Variants in CEP126 observed in about 807,000 individuals in gnomAD.
CEP126 encodes centrosomal protein of 126 kDa.
CEP126 carries 74 observed loss-of-function variants against 107.8 expected under a neutral mutation model. The ratio of observed to expected loss-of-function variants is 0.69; its 90% confidence interval spans 0.57 to 0.83. The LOEUF (loss-of-function observed/expected upper bound fraction) is 0.83. Ranked by LOEUF, CEP126 falls within the 40% of genes least tolerant of loss-of-function variation. The probability of loss-of-function intolerance (pLI) is 0.00; values close to 1 mark genes in which losing one functional copy is unlikely to be tolerated. For missense variants in CEP126, 1,237 were observed against 1,281.9 expected (o/e 0.96, Z 0.53); for synonymous variants, 449 against 446.0 (o/e 1.01, Z -0.08).
At chr11:101,992,670 A>G in intron 9 of CEP126, 108 bp from the exon 10 acceptor site, 2 of 656,998 alleles carry the variant, frequency 3.0e-6, no homozygotes, top group Non-Finnish European at 4.9e-6. Flanking sequence ...GTCTTACTCA[A>G]TTTTGAATAT....
rs1464656400 is a variant in CEP126 at position 101,962,069 on chromosome 11, G to A, written c.1034G>A (p.Ser345Asn). Residue 345 changes from serine to asparagine, a missense_variant, in exon 6 of 11, where the codon AGT becomes AAT. By Grantham distance (46) the Ser-to-Asn change is conservative. Around this residue, in one of 3 missense-constraint regions of CEP126, gnomAD observed 1,134 missense variants for 1,150.5 expected, o/e 0.99. Coordinates refer to ENST00000263468, the MANE Select transcript of CEP126 (RefSeq NM_020802.4). ...CTGCCTTCATGGGAATATTTTAATA[G>A]TAAAGAACAAAATCCATCTCCTTTG... is the stretch of plus-strand genomic sequence containing the variant. The part of the protein sequence containing the change: ...NVLPSWEYFN[S>N]KEQNPSPLNG... 1.9e-6 allele frequency: 3 copies of A among 1,612,578 alleles called. No homozygotes were observed.
intron 2 of CEP126, among the ~76,000 whole-genome samples, chr11:101,938,322 CT>C (rs2137091424): frequency 6.6e-6 from 1 of 150,766 alleles, no homozygotes; most frequent in Non-Finnish European, 1.5e-5. Flanking sequence ...TTTGTTTTCC[CT>C]TTTTTTCTTC....
intron 4 of CEP126, among the ~76,000 whole-genome samples, chr11:101,953,291 C>T (rs1170557228): frequency 6.6e-6 from 1 of 152,122 alleles, no homozygotes; most frequent in African/African-American, 2.4e-5. Flanking sequence ...GCCATTTTTA[C>T]CATAATCAAT....
chr11:101,959,272 TCAC>T (rs1339276818), intron 5 of CEP126, among the ~76,000 whole-genome samples: 1 of 151,902 alleles, frequency 6.6e-6, no homozygotes, highest in Non-Finnish European at 1.5e-5. Context: ...TTCTCCTGCC[TCAC>T]CTCCCGAGTA....
intron 10 of CEP126, among the ~76,000 whole-genome samples, chr11:101,993,527 T>A (rs1941409513): frequency 6.6e-6 from 1 of 152,198 alleles, no homozygotes; most frequent in South Asian, 2.1e-4. Flanking sequence ...CCCCTGCATG[T>A]CTTTATGATA....
At position 101,962,595 on chromosome 11, in the gene CEP126, C is replaced by T. The variant is rs1940993506; in HGVS notation, c.1560C>T (p.Asp520=). 2.5e-6 allele frequency: 4 copies of T among 1,613,566 alleles called. No homozygotes were observed. The highest frequency in any genetic ancestry group is 1.7e-4 in the Middle Eastern group (1 of 6,058). ...AGGAAGAGTTGCCTTTATTTTCAGA[C>T]AGTTTTCAAGATGCCTATATACCTC... is the stretch of plus-strand genomic sequence containing the variant. ...CNKEELPLFS[D]SFQDAYIPHN... The change falls in exon 6 of 11, where the codon GAC becomes GAT. Residue 520 remains aspartate, a synonymous_variant. Coordinates refer to ENST00000263468, the MANE Select transcript of CEP126 (RefSeq NM_020802.4).
At position 101,922,622 on chromosome 11, in the gene CEP126, A is replaced by T. The variant is rs1427949916; in HGVS notation, c.129-19A>T. The T allele has an allele frequency of 2.6e-5, 41 of 1,584,020 alleles. No homozygotes were observed. In the Admixed American group the frequency reaches 6.7e-4, roughly 26 times the overall value. On this transcript the variant is annotated intron_variant, in intron 1 of 10. Coordinates refer to ENST00000263468, the MANE Select transcript of CEP126 (RefSeq NM_020802.4). ...ACTAAAGATGTAGACCATTGTTCTT[A>T]ACTTAATGCTATCATTAGAGATATG...
chr11:101,956,756 T>G, intron 4 of CEP126: 1 of 454,212 alleles, frequency 2.2e-6, no homozygotes, highest in Non-Finnish European at 4.4e-6. Context: ...TTCTTCTTCC[T>G]TTATGATTTC....
intron 2 of CEP126, among the ~76,000 whole-genome samples, chr11:101,942,375 G>A (rs554320835): frequency 6.8e-4 from 104 of 152,086 alleles, no homozygotes; most frequent in African/African-American, 2.4e-3. Context: ...TGTAAAGATT[G>A]TCCTTTTCTC....
intron 2 of CEP126, among the ~76,000 whole-genome samples, 186 bp downstream of exon 2, chr11:101,922,946 G>A (rs1940353128): frequency 1.3e-5 from 2 of 152,156 alleles, no homozygotes; most frequent in African/African-American, 4.8e-5. Flanking sequence ...GGGTGGTGGT[G>A]TATTATCTAG....
At chr11:101,920,344 G>A (rs555864913) in intron 1 of CEP126, among the ~76,000 whole-genome samples, 1 of 151,986 alleles carries the variant, frequency 6.6e-6, no homozygotes, top group African/African-American at 2.4e-5. Flanking sequence ...ATTATGTACC[G>A]CATAGTTTAT....
intron 1 of CEP126, among the ~76,000 whole-genome samples, chr11:101,919,737 C>A (rs1037837658): frequency 1.3e-5 from 2 of 152,110 alleles, no homozygotes; most frequent in Non-Finnish European, 2.9e-5. Flanking sequence ...CAGAACATTA[C>A]AAACATTACA....
intron 2 of CEP126, among the ~76,000 whole-genome samples, chr11:101,940,291 A>G (rs1940645845): frequency 6.6e-6 from 1 of 152,224 alleles, no homozygotes; most frequent in Non-Finnish European, 1.5e-5. Flanking sequence ...TCACAAAACT[A>G]ATTTCTAAAA....
intron 4 of CEP126, chr11:101,956,726 C>T (rs868086104): frequency 6.6e-6 from 3 of 455,784 alleles, no homozygotes; most frequent in Non-Finnish European, 1.3e-5. Context: ...TTTAGCTTTT[C>T]CCTCTCCAGT....
intron 6 of CEP126, among the ~76,000 whole-genome samples, chr11:101,971,995 G>A (rs1941135116): frequency 1.3e-5 from 2 of 151,978 alleles, no homozygotes; most frequent in African/African-American, 4.8e-5. Context: ...TGTAATCCCA[G>A]CTACTTGGGA....
At chr11:101,947,742 A>C (rs11225079) in intron 3 of CEP126, among the ~76,000 whole-genome samples, 8,924 of 152,200 alleles carry the variant, frequency 0.059, 482 homozygotes, top group East Asian at 0.27. Context: ...TGGCACTATG[A>C]GATCAAATAT....
chr11:101,915,018 GGTT>G lies in CEP126; in HGVS notation c.-261_-259del, dbSNP rs1430413673. On this transcript the variant is annotated 5_prime_UTR_variant, in exon 1 of 11. Transcript: ENST00000263468. ...TTTCCGTTGTCAAGGACGCGCCGTC[GGTT>G]GTTGTCAAGATGGCGGCTGCAGGGT... 10 of 406,790 alleles carry G rather than the reference GGTT, an allele frequency of 2.5e-5. No individual in the cohort carries two copies. Among genetic ancestry groups the G allele is most frequent in the Non-Finnish European group, 1.8e-5 (4 of 228,292 alleles). 25.2% of individuals were successfully genotyped at this position (406,790 alleles called of 1,614,324 possible).
chr11:101,985,539 T>C (rs372740950), intron 8 of CEP126, among the ~76,000 whole-genome samples: 67 of 152,218 alleles, frequency 4.4e-4, no homozygotes, highest in African/African-American at 1.6e-3. Flanking sequence ...CACTTCGGCC[T>C]CCCAAAATGC....
Position 101,997,603 on chromosome 11 carries a change from A to G in CEP126, c.3314A>G (p.Lys1105Arg), listed in dbSNP as rs1292412615. The G allele has an allele frequency of 4.3e-6, 7 of 1,613,930 alleles. No individual in the cohort carries two copies. In the East Asian group the frequency reaches 1.6e-4, roughly 36 times the overall value. The change falls in exon 11 of 11, where the codon AAG (lysine) becomes AGG (arginine). Residue 1105 changes from lysine to arginine, a missense_variant. Lys to Arg is a conservative substitution (Grantham distance 26). Around this residue, in one of 3 missense-constraint regions of CEP126, gnomAD observed 99 missense variants for 114.4 expected, o/e 0.87. Coordinates refer to ENST00000263468, the MANE Select transcript of CEP126 (RefSeq NM_020802.4). ...NTLQIIPLLE[K>R]REDRTSSCRD... ...TTTCTTCTTTCTGATTTCCAGGAGA[A>G]GAGAGAAGATAGAACCAGCAGCTGC...
Sources: gnomAD v4.1 joint callset for allele counts (sites outside exome capture counted in the v4.1 genomes callset) on GRCh38, gnomAD v4.1.1 for gene constraint, gnomAD v4.1.1 regional missense constraint, MANE v1.5 for transcripts, NCBI Gene and HGNC (gene_info 2026-07-23, HGNC 2026-07-21) for gene names.